Variants in REV3L observed in about 807,000 individuals in gnomAD.
REV3L encodes REV3 like, DNA directed polymerase zeta catalytic subunit, also known as DNA polymerase zeta catalytic subunit.
In REV3L, 69 loss-of-function variants were observed where a neutral mutation model predicts 299.4. That is an observed-to-expected ratio of 0.23 (90% CI 0.19 to 0.28). REV3L has a LOEUF of 0.28. Among genes scored for constraint, REV3L ranks in the 10% least tolerant of loss-of-function variants. The pLI, the probability that REV3L is intolerant of heterozygous loss-of-function variation, is 1.00. For synonymous variants in REV3L, 1,238 were observed against 1,271.4 expected (o/e 0.97, Z 0.56); for missense variants, 3,128 against 3,693.8 (o/e 0.85, Z 3.97).
chr6:111,341,123 C>T (rs1776441770), intron 21 of REV3L, among the ~76,000 whole-genome samples: 1 of 149,482 alleles, frequency 6.7e-6, no homozygotes, highest in South Asian at 2.1e-4. Context: ...TCACTGCAAC[C>T]TCTGACTCCT....
rs567777154 is a variant in REV3L, at chr6:111,391,813, C to G, written c.662+1063G>C. 2.0e-5 allele frequency among the ~76,000 whole-genome samples: 3 copies of G among 152,194 alleles called. No individual in the cohort carries two copies. In the South Asian group the frequency reaches 6.2e-4, roughly 32 times the overall value. ...TGGGAGGCTGAGCATTATAGTAAGA[C>G]CTCACCTCTACAAAAATTTTTAAAA... is the stretch of plus-strand genomic sequence containing the variant. On this transcript the variant is annotated intron_variant, in intron 5 of 31. Coordinates refer to ENST00000368802, the MANE Select transcript of REV3L (RefSeq NM_001372078.1).
intron 3 of REV3L, among the ~76,000 whole-genome samples, chr6:111,408,048 C>T (rs192190184): frequency 2.0e-5 from 3 of 151,834 alleles, no homozygotes; most frequent in Admixed American, 1.3e-4. Flanking sequence ...TGAATGTGTG[C>T]GTATAATTAG....
At chr6:111,441,967 G>A (rs750676751) in intron 1 of REV3L, among the ~76,000 whole-genome samples, 6 of 152,186 alleles carry the variant, frequency 3.9e-5, no homozygotes, top group African/African-American at 7.2e-5. Context: ...GGGTGTGACC[G>A]TCACAAGTGA....
intron 1 of REV3L, among the ~76,000 whole-genome samples, chr6:111,426,853 C>T (rs752149238): frequency 2.0e-5 from 3 of 152,162 alleles, no homozygotes; most frequent in Admixed American, 6.5e-5. Flanking sequence ...ACAGTAGTTT[C>T]AAGCACAAAT....
intron 27 of REV3L, 69 bp downstream of exon 27, chr6:111,315,198 G>T: frequency 8.0e-7 from 1 of 1,243,106 alleles, no homozygotes; most frequent in South Asian, 1.3e-5. Flanking sequence ...AAAATGTACT[G>T]AACAAATCAG....
chr6:111,356,491 A>C (rs1052398865), intron 18 of REV3L, among the ~76,000 whole-genome samples: 8 of 152,206 alleles, frequency 5.3e-5, no homozygotes, highest in African/African-American at 1.9e-4. Context: ...TCTGTGCACA[A>C]GAGTATGTAA....
intron 9 of REV3L, 32 bp from the exon 10 acceptor site, chr6:111,381,476 G>A (rs761329594): frequency 8.3e-6 from 13 of 1,574,108 alleles, no homozygotes; most frequent in African/African-American, 1.4e-5. Context: ...AAAAATTGAA[G>A]CAATGGCCTA....
intron 1 of REV3L, among the ~76,000 whole-genome samples, chr6:111,430,012 G>A (rs755843392): frequency 6.6e-6 from 1 of 152,158 alleles, no homozygotes; most frequent in African/African-American, 2.4e-5. Flanking sequence ...GACAGAAAGT[G>A]GAAAAAGAGA....
chr6:111,330,369 C>T, intron 24 of REV3L: 2 of 440,396 alleles, frequency 4.5e-6, no homozygotes. Flanking sequence ...AAAAAAAAAT[C>T]ATTTGTATTC....
rs759396681 is a variant in REV3L, at chr6:111,376,601, A to G, written c.1754T>C (p.Leu585Pro). The change falls in exon 13 of 32, where the codon CTT becomes CCT. Residue 585 changes from leucine to proline, a missense_variant. Around this residue, in one of 9 missense-constraint regions of REV3L, gnomAD observed 2,409 missense variants for 2,611.8 expected, o/e 0.92. Transcript: ENST00000368802. Reference protein sequence around the residue: ...ITFQCKHTSALSSHVLNKEDL... With the variant: ...ITFQCKHTSAPSSHVLNKEDL... ...TTCCTTGTTCAAAACATGGGAAGAAAGGGCACTTGTGTGTTTACACTGAAA... is the reference window on the plus strand; with the variant it reads ...TTCCTTGTTCAAAACATGGGAAGAAGGGGCACTTGTGTGTTTACACTGAAA... The G allele has an allele frequency of 1.2e-6, 2 of 1,613,386 alleles. No homozygotes were observed. The highest frequency in any genetic ancestry group is 3.3e-5 in the Admixed American group (2 of 60,004).
At chr6:111,358,204 G>T (rs1778291937) in intron 17 of REV3L, among the ~76,000 whole-genome samples, 1 of 152,024 alleles carries the variant, frequency 6.6e-6, no homozygotes, top group Non-Finnish European at 1.5e-5. Flanking sequence ...AAGATAAAGA[G>T]ATATAAGCAA....
rs765943985 is a variant in REV3L at position 111,333,155 on chromosome 6, G to A, written c.7893C>T (p.Ser2631=). 1 of 1,614,040 alleles carries A rather than the reference G, an allele frequency of 6.2e-7. No individual in the cohort carries two copies. The highest frequency in any genetic ancestry group is 1.7e-5 in the Admixed American group (1 of 60,020). ...AGTTCTCCACATGGCCAAGGCAGGT[G>A]GAAAAGCAGTAGTTATATGCAATCA... ...SIVIAYNYCF[S]TCLGHVENLG... The change falls in exon 23 of 32, where the codon TCC becomes TCT. Residue 2631 remains serine, a synonymous_variant. Coordinates refer to ENST00000368802, the MANE Select transcript of REV3L (RefSeq NM_001372078.1).
At chr6:111,307,220 A>C (rs985802915) in intron 31 of REV3L, 141 bp downstream of exon 31, 1 of 692,592 alleles carries the variant, frequency 1.4e-6, no homozygotes, top group Non-Finnish European at 2.4e-6. Flanking sequence ...TATTTTTGAG[A>C]TTTTTAGGAA....
rs749366823 is a variant in REV3L at position 111,375,117 on chromosome 6, G to T, written c.3238C>A (p.Arg1080=). Residue 1080 remains arginine (R), a synonymous_variant, in exon 13 of 32, where the codon CGG becomes AGG. Transcript: ENST00000368802. ...IKRTLSFRKK[R]SHAILSPPSP... is the part of the protein sequence containing the mutation. ...GGAGGAGAAAGAATAGCATGTGACC[G>T]TTTTTTCCTGAAAGACAAAGTTCTT... is the stretch of plus-strand genomic sequence containing the variant. 31 of 1,609,346 alleles carry T rather than the reference G, an allele frequency of 1.9e-5. No individual in the cohort carries two copies. Among genetic ancestry groups the T allele is most frequent in the Non-Finnish European group, 1.7e-6 (2 of 1,178,754 alleles).
At chr6:111,318,126 C>T (rs1178010420) in intron 26 of REV3L, among the ~76,000 whole-genome samples, 1 of 150,504 alleles carries the variant, frequency 6.6e-6, no homozygotes, top group East Asian at 1.9e-4. Flanking sequence ...CTTGCTCTGT[C>T]ACCCAGGCTG....
intron 1 of REV3L, among the ~76,000 whole-genome samples, chr6:111,469,992 C>T (rs1359350801): frequency 6.6e-6 from 1 of 152,144 alleles, no homozygotes; most frequent in East Asian, 1.9e-4. Context: ...AATATATCCA[C>T]ATACTATTTA....
Position 111,376,767 on chromosome 6 carries a change from G to A in REV3L, c.1598-10C>T, listed in dbSNP as rs752135365. On this transcript the variant is annotated splice_polypyrimidine_tract_variant and intron_variant, in intron 12 of 31. Coordinates refer to ENST00000368802, the MANE Select transcript of REV3L (RefSeq NM_001372078.1). The stretch of plus-strand genomic sequence containing the variant: ...TTGTTCAATGGATTGTCTGAAATGA[G>A]GAGGGAAAAACAGTTTATTTCATTT... The A allele has an allele frequency of 6.5e-7, 1 of 1,531,662 alleles. No homozygotes were observed. The highest frequency in any genetic ancestry group is 1.7e-4 in the Middle Eastern group (1 of 5,758). The allele number at this position is 1,531,662 out of a possible 1,614,324, so 94.9% of individuals were successfully genotyped here.
chr6:111,470,470 T>C (rs963790400), intron 1 of REV3L, among the ~76,000 whole-genome samples: 10 of 152,240 alleles, frequency 6.6e-5, no homozygotes, highest in Non-Finnish European at 1.5e-4. Context: ...ATAACAGTCC[T>C]ATTTTATAGA....
rs79739505 is a variant in REV3L, at chr6:111,477,172, C to T, written c.139+5578G>A. On this transcript the variant is annotated intron_variant, in intron 1 of 31. Transcript: ENST00000368802. ...AAATGAATATACCCAGTTTATGCAA[C>T]CATTTGCCAATTGTTGAACACTTAG... is the stretch of plus-strand genomic sequence containing the variant. Among the ~76,000 whole-genome samples the T allele has an allele frequency of 2.5e-3, 385 of 152,312 alleles. 2 individuals are homozygous for T. The highest frequency in any genetic ancestry group is 8.0e-3 in the African/African-American group (334 of 41,572).
Sources: allele counts gnomAD v4.1 joint callset (sites outside exome capture counted in the v4.1 genomes callset), GRCh38; gene constraint gnomAD v4.1.1; regional missense constraint gnomAD v4.1.1; transcripts MANE v1.5; gene names NCBI Gene and HGNC (gene_info 2026-07-23, HGNC 2026-07-21).